The following SORBS2 variants were observed in gnomAD, a reference collection of about 807,000 sequenced individuals.
SORBS2 encodes sorbin and SH3 domain containing 2.
In SORBS2, 46 loss-of-function variants were observed where a neutral mutation model predicts 97.7. The observed-to-expected ratio is 0.47, with a 90% confidence interval of 0.37 to 0.60. The LOEUF is 0.60. SORBS2 is among the 20% of genes least tolerant of loss of function. The pLI is 0.00. For missense variants in SORBS2, 1,316 were observed against 1,282.3 expected (o/e 1.03, Z -0.40); for synonymous variants, 476 against 473.4 (o/e 1.01, Z -0.07).
chr4:185,823,114 G>A (rs966311968), intron 1 of SORBS2, among the ~76,000 whole-genome samples: 4 of 152,092 alleles, frequency 2.6e-5, no homozygotes, highest in Non-Finnish European at 4.4e-5. Context: ...TCCCCTGCCC[G>A]CTCCTTTCCT....
intron 2 of SORBS2, among the ~76,000 whole-genome samples, chr4:185,753,669 A>T (rs9992912): frequency 0.32 from 48,404 of 152,084 alleles, 8,098 homozygotes; most frequent in African/African-American, 0.4. Flanking sequence ...AGAAATGTTT[A>T]AGCAGCACTG....
At chr4:185,722,641 A>AT (rs1450476411) in intron 2 of SORBS2, among the ~76,000 whole-genome samples, 1 of 152,188 alleles carries the variant, frequency 6.6e-6, no homozygotes, top group African/African-American at 2.4e-5. Context: ...AAACTTGTTG[A>AT]AAGAGTCTTG....
At chr4:185,714,104 G>T (rs142903115) in intron 2 of SORBS2, among the ~76,000 whole-genome samples, 1 of 152,254 alleles carries the variant, frequency 6.6e-6, no homozygotes. Context: ...TGGATATATG[G>T]TTGATTTTCT....
intron 2 of SORBS2, among the ~76,000 whole-genome samples, chr4:185,769,653 G>A (rs1334647832): frequency 4.6e-5 from 7 of 151,876 alleles, no homozygotes; most frequent in Non-Finnish European, 1.0e-4. Context: ...ACCATGCCCG[G>A]CTAATTTTGT....
At position 185,701,305 on chromosome 4, in the gene SORBS2, G is replaced by T. The variant is rs766619738; in HGVS notation, c.-197-22483C>A. ...TAGCTCCAGGGTAGTCTGCCATGAT[G>T]CTCAGGGCCATGGATCACCTTACAG... On this transcript the variant is annotated intron_variant, in intron 2 of 20. Transcript: ENST00000284776. Among the ~76,000 whole-genome samples, 13 of 152,170 alleles carry T rather than the reference G, an allele frequency of 8.5e-5. 1 individual carries two copies. The highest frequency in any genetic ancestry group is 1.6e-4 in the Non-Finnish European group (11 of 68,030).
intron 5 of SORBS2, among the ~76,000 whole-genome samples, chr4:185,628,583 C>G (rs2096855918): frequency 6.6e-6 from 1 of 152,148 alleles, no homozygotes; most frequent in South Asian, 2.1e-4. Flanking sequence ...GAGACTCTGT[C>G]TCTACAGAAA....
At chr4:185,933,180 A>G (rs1270844709) in intron 1 of SORBS2, 1 of 152,200 alleles carries the variant, frequency 6.6e-6, no homozygotes, top group African/African-American at 2.4e-5. Flanking sequence ...GTGTCTCCAA[A>G]GGCAGTACGG....
intron 1 of SORBS2, among the ~76,000 whole-genome samples, chr4:185,906,051 T>A (rs75066238): frequency 2.0e-5 from 3 of 152,128 alleles, no homozygotes; most frequent in Non-Finnish European, 4.4e-5. Context: ...ATTTTTTTTT[T>A]GAGACGGAGT....
chr4:185,842,818 C>G (rs919502506), intron 1 of SORBS2, among the ~76,000 whole-genome samples: 3 of 151,334 alleles, frequency 2.0e-5, no homozygotes, highest in Non-Finnish European at 4.4e-5. Context: ...GCCTGTAGTA[C>G]CAGCTACTCA....
At chr4:185,723,319 C>G (rs961920327) in intron 2 of SORBS2, among the ~76,000 whole-genome samples, 7 of 152,142 alleles carry the variant, frequency 4.6e-5, no homozygotes, top group Admixed American at 3.9e-4. Context: ...CCCTTAAGAA[C>G]TTTGAAAACA....
chr4:185,887,952 A>G (rs1019102390), intron 1 of SORBS2, among the ~76,000 whole-genome samples: 1 of 55,672 alleles, frequency 1.8e-5, no homozygotes, highest in Non-Finnish European at 5.1e-5. Flanking sequence ...CTCACATAGT[A>G]TATATATATG....
At chr4:185,619,644 C>T (rs1284725246) in intron 8 of SORBS2, among the ~76,000 whole-genome samples, 1 of 152,168 alleles carries the variant, frequency 6.6e-6, no homozygotes, top group African/African-American at 2.4e-5. Flanking sequence ...TAAAAGGAAG[C>T]CAGCAAAAAT....
chr4:185,606,164 G>A lies in SORBS2; in HGVS notation c.2796+5616C>T. ...TCATCCTGGAATAGGACAAATTTCTGGGCATCAACTTCCTCTTCTCTAAAG... is the reference window on the plus strand; with the variant it reads ...TCATCCTGGAATAGGACAAATTTCTAGGCATCAACTTCCTCTTCTCTAAAG... On this transcript the variant is annotated intron_variant, in intron 12 of 14. Coordinates refer to ENST00000418609, the Ensembl canonical transcript of SORBS2. This position sits in a 1 kb window ranked among gnomAD's most constrained non-coding sequence, Gnocchi z 4.3. 1 of 985,250 alleles carries A rather than the reference G, an allele frequency of 1.0e-6. No homozygotes were observed. The highest frequency in any genetic ancestry group is 4.7e-5 in the South Asian group (1 of 21,286). 61.0% of individuals were successfully genotyped at this position (985,250 alleles called of 1,614,324 possible).
At chr4:185,956,109 G>T (rs2099279408) in intron 1 of SORBS2, 1 of 152,190 alleles carries the variant, frequency 6.6e-6, no homozygotes, top group Non-Finnish European at 1.5e-5. Context: ...AGCATTACTA[G>T]AAAGCAGGGA....
At chr4:185,620,114 A>G in exon 8 of SORBS2, 1 of 1,612,582 alleles carries the variant, frequency 6.2e-7, no homozygotes, top group Non-Finnish European at 8.5e-7. Flanking sequence ...TCCCCATGTC[A>G]GTCAAAGTGG....
At chr4:185,784,129 T>C (rs542063634) in intron 1 of SORBS2, among the ~76,000 whole-genome samples, 2 of 152,160 alleles carry the variant, frequency 1.3e-5, no homozygotes, top group East Asian at 1.9e-4. Flanking sequence ...GAGGGCTTCC[T>C]TGTCCTTTTC....
intron 1 of SORBS2, among the ~76,000 whole-genome samples, chr4:185,923,869 A>G (rs2099262228): frequency 6.6e-6 from 1 of 152,202 alleles, no homozygotes; most frequent in Admixed American, 6.5e-5. Flanking sequence ...TATGTCTCTT[A>G]TTTCCTTGGA....
chr4:185,897,197 ACT>A (rs1454988729), intron 1 of SORBS2, among the ~76,000 whole-genome samples: 1 of 152,022 alleles, frequency 6.6e-6, no homozygotes, highest in Admixed American at 6.5e-5. Flanking sequence ...TAAAAGTATT[ACT>A]CTAACTTTCG....
intron 2 of SORBS2, among the ~76,000 whole-genome samples, chr4:185,652,169 C>T (rs891583189): frequency 6.6e-6 from 1 of 152,076 alleles, no homozygotes; most frequent in Non-Finnish European, 1.5e-5. Flanking sequence ...GTAACATATT[C>T]GTCTTGCTGC....
Sources: gnomAD v4.1 joint callset for allele counts (sites outside exome capture counted in the v4.1 genomes callset) on GRCh38, gnomAD v4.1.1 for gene constraint, Gnocchi (gnomAD v3.1) non-coding constraint, MANE v1.5 for transcripts, NCBI Gene and HGNC (gene_info 2026-07-23, HGNC 2026-07-21) for gene names.